ARHGEF10: variants seen among roughly 807,000 people sequenced by gnomAD.
ARHGEF10 encodes Rho guanine nucleotide exchange factor 10.
Under a neutral mutation model 147.4 loss-of-function variants are expected in ARHGEF10, and 140 were observed. The ratio of observed to expected loss-of-function variants is 0.95; its 90% confidence interval spans 0.83 to 1.09. The LOEUF (loss-of-function observed/expected upper bound fraction) is 1.09. Among genes scored for constraint, ARHGEF10 ranks in the 50% least tolerant of loss-of-function variants. The pLI, the probability that ARHGEF10 is intolerant of heterozygous loss-of-function variation, is 0.00. For missense variants in ARHGEF10, 2,222 were observed against 1,752.7 expected (o/e 1.27, Z -4.78); for synonymous variants, 902 against 695.8 (o/e 1.30, Z -4.67).
chr8:1,894,429 G>A lies in ARHGEF10; in HGVS notation c.1297G>A (p.Val433Ile), dbSNP rs1357135120. ...GCCGCTGTCTGAGATGGAGCCAAAG[G>A]TTCTGAGTGAGAGGAAGCTGAAGAC... ...EKPLSEMEPKVLSERKLKTVF... is the reference protein window; with the variant it reads ...EKPLSEMEPKILSERKLKTVF... The change falls in exon 13 of 29, where the codon GTT becomes ATT. Residue 433 changes from valine (V) to isoleucine (I), a missense_variant. By Grantham distance (29) the Val-to-Ile change is conservative. Transcript: ENST00000349830. 1 of 1,614,202 alleles carries A rather than the reference G, an allele frequency of 6.2e-7. No individual in the cohort carries two copies. The highest frequency in any genetic ancestry group is 1.1e-5 in the South Asian group (1 of 91,088).
chr8:1,883,127 C>A lies in ARHGEF10; in HGVS notation c.1075+378C>A, dbSNP rs191298745. Among the ~76,000 whole-genome samples, 3 of 152,262 alleles carry A rather than the reference C, an allele frequency of 2.0e-5. No individual in the cohort carries two copies. In the East Asian group the frequency reaches 5.8e-4, roughly 29 times the overall value. Reference sequence around the variant, plus strand: ...TGAGGTCGTGAGCGTCCTGAACTGGCATTTCAGGAATCTTTTCCTTGGTGA... The same window carrying A: ...TGAGGTCGTGAGCGTCCTGAACTGGAATTTCAGGAATCTTTTCCTTGGTGA... On this transcript the variant is annotated intron_variant, in intron 10 of 28. Transcript: ENST00000349830.
In ARHGEF10 at chr8:1,880,007, A is replaced by G. The variant is rs199805418; in HGVS notation, c.844-41A>G. 18 of 1,416,222 alleles carry G rather than the reference A, an allele frequency of 1.3e-5. No individual in the cohort carries two copies. In the African/African-American group the frequency reaches 1.7e-4, roughly 13 times the overall value. 87.7% of individuals were successfully genotyped at this position (1,416,222 alleles called of 1,614,324 possible). A position where few individuals can be genotyped will look rare whatever the true frequency, so the allele number is the denominator to read the frequency against. On this transcript the variant is annotated intron_variant, in intron 8 of 28. Coordinates refer to ENST00000349830, the MANE Select transcript of ARHGEF10 (RefSeq NM_014629.4). ...GTAAAATTGTCCCAAAGAACCAAAA[A>G]GAGCCTTTTTGTGAAAAGACTGTGT...
At chr8:1,873,927 T>A (rs758225025) in intron 7 of ARHGEF10, among the ~76,000 whole-genome samples, 1 of 152,168 alleles carries the variant, frequency 6.6e-6, no homozygotes, top group Non-Finnish European at 1.5e-5. Flanking sequence ...CACGTAGGAC[T>A]GAGTGGCATT....
In ARHGEF10 at chr8:1,952,730, C is replaced by T. The variant is rs866387389; in HGVS notation, c.3423C>T (p.Ser1141=). 20 of 1,613,148 alleles carry T rather than the reference C, an allele frequency of 1.2e-5. No homozygotes were observed. In the Middle Eastern group the frequency reaches 1.8e-3, roughly 146 times the overall value. Residue 1141 remains serine, a synonymous_variant, in exon 28 of 29, where the codon AGC becomes AGT. Transcript: ENST00000349830. ...LPGHQRLSVT[S]LLVCHGLLMV... Reference sequence around the variant, plus strand: ...GGCACCAGCGGCTGTCGGTGACGAGCCTGCTCGTCTGCCACGGATTGCTGA... The same window carrying T: ...GGCACCAGCGGCTGTCGGTGACGAGTCTGCTCGTCTGCCACGGATTGCTGA...
At chr8:1,932,049 C>T (rs1813189147) in intron 25 of ARHGEF10, among the ~76,000 whole-genome samples, 2 of 152,210 alleles carry the variant, frequency 1.3e-5, no homozygotes, top group Admixed American at 1.3e-4. Flanking sequence ...AGCCAGGATC[C>T]AAGCACAGTG....
chr8:1,923,084 CAATT>C lies in ARHGEF10; in HGVS notation c.2259+6_2259+9del. The C allele has an allele frequency of 2.6e-6, 4 of 1,557,064 alleles. No homozygotes were observed. The highest frequency in any genetic ancestry group is 3.5e-6 in the Non-Finnish European group (4 of 1,129,484). ...AACCTTAAAGGAAACTATCAGGTAA[CAATT>C]GAAGCAATTGGATTTAAGATTCTGC... On this transcript the variant is annotated splice_donor_region_variant and intron_variant, in intron 19 of 28. Coordinates refer to ENST00000349830, the MANE Select transcript of ARHGEF10 (RefSeq NM_014629.4).
intron 18 of ARHGEF10, among the ~76,000 whole-genome samples, chr8:1,911,978 G>A (rs747296697): frequency 1.2e-4 from 19 of 152,156 alleles, no homozygotes; most frequent in East Asian, 3.8e-4. Context: ...ATTCTCAGTC[G>A]ATAGTCATAG....
At chr8:1,832,527 G>GC (rs1803204374) in intron 1 of ARHGEF10, among the ~76,000 whole-genome samples, 1 of 144,920 alleles carries the variant, frequency 6.9e-6, no homozygotes, top group Non-Finnish European at 1.5e-5. Context: ...GACAGAGGTA[G>GC]AGAGACACAG....
chr8:1,943,854 C>A (rs568185910), intron 26 of ARHGEF10: 1 of 102,916 alleles, frequency 9.7e-6, no homozygotes, highest in East Asian at 3.2e-4. Context: ...GAGGAAACTA[C>A]GGGCATATGG....
At chr8:1,861,205 G>C (rs1343004619) in intron 4 of ARHGEF10, among the ~76,000 whole-genome samples, 1 of 152,264 alleles carries the variant, frequency 6.6e-6, no homozygotes, top group East Asian at 1.9e-4. Context: ...GAAGGGGCTT[G>C]GTTGGTGGAG....
chr8:1,944,177 C>T (rs1814358768), intron 26 of ARHGEF10, among the ~76,000 whole-genome samples: 1 of 150,222 alleles, frequency 6.7e-6, no homozygotes, highest in African/African-American at 2.5e-5. Flanking sequence ...CAGCTTCCCG[C>T]ACCGTGCTAC....
At chr8:1,883,839 A>T (rs950879161) in intron 10 of ARHGEF10, among the ~76,000 whole-genome samples, 1 of 152,140 alleles carries the variant, frequency 6.6e-6, no homozygotes, top group Non-Finnish European at 1.5e-5. Context: ...TTGGGGCCAC[A>T]TTCACTGCCT....
At chr8:1,954,857 C>A (rs1232040309) in intron 28 of ARHGEF10, among the ~76,000 whole-genome samples, 1 of 152,270 alleles carries the variant, frequency 6.6e-6, no homozygotes, top group Non-Finnish European at 1.5e-5. Flanking sequence ...TTGCTGGGGT[C>A]AGTCCCTGCT....
At chr8:1,878,916 C>T (rs1807939922) in intron 8 of ARHGEF10, among the ~76,000 whole-genome samples, 1 of 152,130 alleles carries the variant, frequency 6.6e-6, no homozygotes, top group East Asian at 1.9e-4. Context: ...TCCAGCCTCT[C>T]CTACACGTCC....
intron 6 of ARHGEF10, 110 bp from the exon 7 acceptor site, chr8:1,869,084 C>T (rs184083308): frequency 4.7e-6 from 5 of 1,065,328 alleles, no homozygotes; most frequent in Admixed American, 3.4e-5. Flanking sequence ...CCCTTATAAA[C>T]CAACTTTTTG....
intron 25 of ARHGEF10, 106 bp from the exon 26 acceptor site, chr8:1,933,694 A>C (rs1563306873): frequency 4.3e-6 from 6 of 1,381,868 alleles, no homozygotes; most frequent in Non-Finnish European, 6.2e-6. Context: ...TTAACATTAC[A>C]GGTGATCCTT....
At position 1,858,043 on chromosome 8, in the gene ARHGEF10, G is replaced by C. The variant is rs764859351; in HGVS notation, c.121G>C (p.Glu41Gln). Residue 41 changes from glutamate (E) to glutamine (Q), a missense_variant, in exon 3 of 29, where the codon GAA (glutamate) becomes CAA (glutamine). Coordinates refer to ENST00000349830, the MANE Select transcript of ARHGEF10 (RefSeq NM_014629.4). ...FDFDSGDEIP[E>Q]ADRQAPSAPE... Reference sequence around the variant, plus strand: ...TTTTGACAGTGGAGATGAAATCCCAGAAGCGGACAGACAGGCCCCATCCGC... The same window carrying C: ...TTTTGACAGTGGAGATGAAATCCCACAAGCGGACAGACAGGCCCCATCCGC... 3 of 1,614,182 alleles carry C rather than the reference G, an allele frequency of 1.9e-6. No individual in the cohort carries two copies. Among genetic ancestry groups the C allele is most frequent in the East Asian group, 4.5e-5 (2 of 44,888 alleles).
At position 1,850,294 on chromosome 8, in the gene ARHGEF10, G is replaced by A. The variant is rs755787279; in HGVS notation, c.37+6858G>A. Among the ~76,000 whole-genome samples, 83 of 63,150 alleles carry A rather than the reference G, an allele frequency of 1.3e-3. 1 individual carries two copies. The highest frequency in any genetic ancestry group is 0.013 in the Middle Eastern group (1 of 78). The allele number at this position is 63,150 out of a possible 152,430, so 41.4% of individuals were successfully genotyped here. A position where few individuals can be genotyped will look rare whatever the true frequency, so the allele number is the denominator to read the frequency against. On this transcript the variant is annotated intron_variant, in intron 2 of 28. Transcript: ENST00000349830. Reference sequence around the variant, plus strand: ...AGGAGGGTGTGGGGCGGCCGCGTGGGCATGGACGGCAAATGCTGAGGAGGG... The same window carrying A: ...AGGAGGGTGTGGGGCGGCCGCGTGGACATGGACGGCAAATGCTGAGGAGGG...
In ARHGEF10 at chr8:1,864,335, A is replaced by C. The variant is rs1281171664; in HGVS notation, c.482-38A>C. The stretch of plus-strand genomic sequence containing the variant: ...CATCAACTTCATGAGCATTTTTGTC[A>C]GGCGTAAAGCAGCATCACATATTTT... On this transcript the variant is annotated intron_variant, in intron 4 of 28. Transcript: ENST00000349830. 1.9e-6 allele frequency: 3 copies of C among 1,604,644 alleles called. No homozygotes were observed. In the African/African-American group the frequency reaches 4.0e-5, roughly 21 times the overall value.
Sources: gnomAD v4.1 joint callset for allele counts (sites outside exome capture counted in the v4.1 genomes callset) on GRCh38, gnomAD v4.1.1 for gene constraint, MANE v1.5 for transcripts, NCBI Gene and HGNC (gene_info 2026-07-23, HGNC 2026-07-21) for gene names.